Variants in DIS3L2 observed in about 807,000 individuals in gnomAD.
DIS3L2 encodes DIS3-like exonuclease 2.
A neutral mutation model predicts 97.5 loss-of-function variants in DIS3L2; 34 were observed. The observed-to-expected ratio is 0.35, with a 90% CI of 0.27 to 0.46. The LOEUF (loss-of-function observed/expected upper bound fraction) is 0.46. DIS3L2 is among the 20% of genes least tolerant of loss of function. The pLI is 1.00. For missense variants in DIS3L2, 1,038 were observed against 1,146.0 expected (o/e 0.91, Z 1.36); for synonymous variants, 435 against 445.2 (o/e 0.98, Z 0.29).
chr2:232,241,505 A>T lies in DIS3L2; in HGVS notation c.1317+2860A>T, dbSNP rs2129776. ...ACAGTGTAACAGGTCTTGGGTCCAA[A>T]TACCACCTCACTGACTTTAAATGAA... On this transcript the variant is annotated intron_variant, in intron 11 of 20. Transcript: ENST00000325385. Among the ~76,000 whole-genome samples the T allele has an allele frequency of 2.0e-3, 311 of 152,352 alleles. 2 individuals are homozygous for T. The highest frequency in any genetic ancestry group is 6.9e-3 in the African/African-American group (287 of 41,580).
chr2:232,245,156 G>A (rs796791040), intron 11 of DIS3L2, among the ~76,000 whole-genome samples: 10 of 152,356 alleles, frequency 6.6e-5, no homozygotes, highest in African/African-American at 2.4e-4. Flanking sequence ...ATAGCCAGGA[G>A]TTTCCCAGCT....
At chr2:231,986,362 G>A (rs1465115487) in intron 1 of DIS3L2, among the ~76,000 whole-genome samples, 1 of 152,140 alleles carries the variant, frequency 6.6e-6, no homozygotes, top group African/African-American at 2.4e-5. Flanking sequence ...ATACCCACAG[G>A]AAAGTTATCA....
At chr2:232,200,333 A>G (rs566034111) in intron 9 of DIS3L2, among the ~76,000 whole-genome samples, 83 of 152,296 alleles carry the variant, frequency 5.4e-4, no homozygotes, top group African/African-American at 2.0e-3. Context: ...TGCTAGCTGA[A>G]AGGGCCTGGA....
At chr2:232,175,771 T>TTG (rs1464301385) in intron 9 of DIS3L2, among the ~76,000 whole-genome samples, 73 of 152,206 alleles carry the variant, frequency 4.8e-4, no homozygotes, top group African/African-American at 1.5e-3. Flanking sequence ...CCCTGTGCTT[T>TTG]TGTGTGTGTG....
At chr2:232,186,519 A>T (rs1427967389) in intron 9 of DIS3L2, among the ~76,000 whole-genome samples, 1 of 152,222 alleles carries the variant, frequency 6.6e-6, no homozygotes, top group Non-Finnish European at 1.5e-5. Context: ...CTTTGCTTGA[A>T]AATACAATAG....
intron 1 of DIS3L2, among the ~76,000 whole-genome samples, chr2:232,011,851 A>G (rs1342722698): frequency 6.6e-6 from 1 of 150,624 alleles, no homozygotes; most frequent in African/African-American, 2.5e-5. Context: ...GGGTTTCGCC[A>G]TGTTGCCCAG....
chr2:232,224,213 G>A lies in DIS3L2; in HGVS notation c.1204+13808G>A, dbSNP rs116632044. On this transcript the variant is annotated intron_variant, in intron 10 of 20. Coordinates refer to ENST00000325385, the MANE Select transcript of DIS3L2 (RefSeq NM_152383.5). ...GACCCACATATATATACAACCACAT[G>A]GTTTTTAGCAAAGATGTTACTGCTG... Among the ~76,000 whole-genome samples, 1,320 of 152,268 alleles carry A rather than the reference G, an allele frequency of 8.7e-3. 18 individuals carry two copies. The highest frequency in any genetic ancestry group is 0.03 in the African/African-American group (1,234 of 41,546).
At chr2:232,154,040 G>A (rs972292438) in intron 8 of DIS3L2, among the ~76,000 whole-genome samples, 1 of 124,764 alleles carries the variant, frequency 8.0e-6, no homozygotes. Context: ...TCGAGCCTTG[G>A]TTTTCAGCTC....
At chr2:232,307,008 T>C (rs1410027413) in intron 14 of DIS3L2, among the ~76,000 whole-genome samples, 1 of 152,224 alleles carries the variant, frequency 6.6e-6, no homozygotes, top group East Asian at 1.9e-4. Context: ...CACTCTCAGC[T>C]AGGTATTTCT....
intron 9 of DIS3L2, among the ~76,000 whole-genome samples, chr2:232,199,634 G>A (rs1259401485): frequency 6.6e-6 from 1 of 152,098 alleles, no homozygotes; most frequent in African/African-American, 2.4e-5. Flanking sequence ...AATGAAAAGA[G>A]AAGTAATAGT....
At chr2:231,969,640 A>AT (rs1203533891) in intron 1 of DIS3L2, among the ~76,000 whole-genome samples, 2 of 151,988 alleles carry the variant, frequency 1.3e-5, no homozygotes, top group African/African-American at 4.8e-5. Context: ...ATTCCATTGG[A>AT]TTTTCTATGT....
chr2:232,302,899 T>G (rs182491251), intron 14 of DIS3L2, among the ~76,000 whole-genome samples: 11 of 152,206 alleles, frequency 7.2e-5, no homozygotes, highest in Admixed American at 6.5e-4. Flanking sequence ...GAAGTAGGAT[T>G]AATAGTAGGA....
chr2:232,071,498 G>C (rs1696016998), intron 5 of DIS3L2, among the ~76,000 whole-genome samples: 1 of 151,680 alleles, frequency 6.6e-6, no homozygotes, highest in Non-Finnish European at 1.5e-5. Context: ...CTCCACCCTG[G>C]GCAACAGAGT....
chr2:232,233,748 T>A (rs1251415959), intron 10 of DIS3L2, among the ~76,000 whole-genome samples: 1 of 152,232 alleles, frequency 6.6e-6, no homozygotes, highest in African/African-American at 2.4e-5. Context: ...CACAGGCCTC[T>A]TGAGTCGTTC....
In DIS3L2 at chr2:232,136,520, C is replaced by T. The variant is rs1413229062; in HGVS notation, c.751C>T (p.Leu251Phe). ...ACATTCTCGAGCAGCAACCGGCTTCCTCAAACTCTTGGCTGATAAGAACAG... is the reference window on the plus strand; with the variant it reads ...ACATTCTCGAGCAGCAACCGGCTTCTTCAAACTCTTGGCTGATAAGAACAG... Reference protein sequence around the residue: ...KKHSRAATGFLKLLADKNSEL... With the variant: ...KKHSRAATGFFKLLADKNSEL... Residue 251 changes from leucine (L) to phenylalanine (F), a missense_variant, in exon 8 of 21, where the codon CTC (leucine) becomes TTC (phenylalanine). Around this residue, in one of 3 missense-constraint regions of DIS3L2, gnomAD observed 813 missense variants for 880.1 expected, o/e 0.92. Coordinates refer to ENST00000325385, the MANE Select transcript of DIS3L2 (RefSeq NM_152383.5). 2 of 1,614,030 alleles carry T rather than the reference C, an allele frequency of 1.2e-6. No individual in the cohort carries two copies. The highest frequency in any genetic ancestry group is 3.3e-5 in the Admixed American group (2 of 60,012).
At chr2:232,202,052 C>A (rs1459265879) in intron 9 of DIS3L2, among the ~76,000 whole-genome samples, 1 of 152,182 alleles carries the variant, frequency 6.6e-6, no homozygotes, top group African/African-American at 2.4e-5. Context: ...ATCTCTGGCT[C>A]CCACAGTCCC....
chr2:232,306,670 A>T (rs1575007689), intron 14 of DIS3L2, among the ~76,000 whole-genome samples: 2 of 152,232 alleles, frequency 1.3e-5, no homozygotes, highest in African/African-American at 4.8e-5. Flanking sequence ...TGTATAGAGA[A>T]TATCTGCTAT....
chr2:232,079,706 G>A (rs1289682026), intron 5 of DIS3L2, among the ~76,000 whole-genome samples: 2 of 152,100 alleles, frequency 1.3e-5, no homozygotes, highest in African/African-American at 2.4e-5. Context: ...TGTGATCAGG[G>A]AAGTGTCTCT....
intron 12 of DIS3L2, among the ~76,000 whole-genome samples, chr2:232,259,039 A>G (rs1693646167): frequency 6.6e-6 from 1 of 152,168 alleles, no homozygotes; most frequent in Non-Finnish European, 1.5e-5. Context: ...TTCGGCTGCC[A>G]GAGGTCCCTG....
Sources: gnomAD v4.1 joint callset for allele counts (sites outside exome capture counted in the v4.1 genomes callset) on GRCh38, gnomAD v4.1.1 for gene constraint, gnomAD v4.1.1 regional missense constraint, MANE v1.5 for transcripts, NCBI Gene and HGNC (gene_info 2026-07-23, HGNC 2026-07-21) for gene names.